Variants in ITSN1 observed in about 807,000 individuals in gnomAD.
ITSN1 encodes the protein intersectin-1.
Under a neutral mutation model 239.8 loss-of-function variants are expected in ITSN1, and 58 were observed. The ratio of observed to expected loss-of-function variants is 0.24; its 90% CI spans 0.20 to 0.30. ITSN1 has a LOEUF of 0.30. ITSN1 is among the 10% of genes least tolerant of loss of function. The pLI, the probability that ITSN1 is intolerant of heterozygous loss-of-function variation, is 1.00. For missense variants in ITSN1, 1,558 were observed against 2,103.3 expected (o/e 0.74, Z 5.07); for synonymous variants, 780 against 770.8 (o/e 1.01, Z -0.20).
At chr21:33,712,487 T>G (rs950781092) in intron 1 of ITSN1, among the ~76,000 whole-genome samples, 5 of 152,214 alleles carry the variant, frequency 3.3e-5, no homozygotes, top group Non-Finnish European at 5.9e-5. Flanking sequence ...ATCTCAGGTG[T>G]GAGCCTAAGA....
chr21:33,811,863 C>G (rs1280665046), intron 21 of ITSN1, among the ~76,000 whole-genome samples: 1 of 152,048 alleles, frequency 6.6e-6, no homozygotes, highest in Non-Finnish European at 1.5e-5. Context: ...GAGCAATTGT[C>G]TAAAAATATT....
At chr21:33,757,264 A>T (rs1050608703) in intron 8 of ITSN1, among the ~76,000 whole-genome samples, 3 of 152,170 alleles carry the variant, frequency 2.0e-5, no homozygotes, top group African/African-American at 7.2e-5. Flanking sequence ...TCTTGGTGGG[A>T]TGTGTGTTTT....
At chr21:33,879,684 C>A (rs1370649950) in intron 34 of ITSN1, among the ~76,000 whole-genome samples, 2 of 152,042 alleles carry the variant, frequency 1.3e-5, no homozygotes, top group African/African-American at 2.4e-5. Context: ...CAGTTGTCAT[C>A]CTTCTTTTTT....
chr21:33,839,551 G>A (rs2074753668), intron 29 of ITSN1, among the ~76,000 whole-genome samples: 1 of 152,200 alleles, frequency 6.6e-6, no homozygotes, highest in Non-Finnish European at 1.5e-5. Flanking sequence ...GTGTGGAGCA[G>A]TGGTTGAGTC....
At chr21:33,872,713 G>T (rs1191237097) in intron 33 of ITSN1, among the ~76,000 whole-genome samples, 1 of 152,104 alleles carries the variant, frequency 6.6e-6, no homozygotes, top group Non-Finnish European at 1.5e-5. Context: ...TGTGTTTTTA[G>T]TGGAGACGGG....
At chr21:33,673,750 C>G (rs908747110) in intron 1 of ITSN1, among the ~76,000 whole-genome samples, 1 of 152,190 alleles carries the variant, frequency 6.6e-6, no homozygotes, top group Non-Finnish European at 1.5e-5. Flanking sequence ...TCACCTAGCA[C>G]CAGCTCAGGA....
chr21:33,646,525 G>C (rs2146058482), intron 1 of ITSN1, among the ~76,000 whole-genome samples: 1 of 152,018 alleles, frequency 6.6e-6, no homozygotes, highest in Non-Finnish European at 1.5e-5. Flanking sequence ...TTCACCACAG[G>C]GCACCATAGA....
intron 8 of ITSN1, 135 bp from the exon 9 acceptor site, chr21:33,761,788 G>A: frequency 1.6e-6 from 1 of 643,542 alleles, no homozygotes; most frequent in South Asian, 2.4e-5. Context: ...AGCCCCTGCG[G>A]TAGTAGCAAA....
intron 5 of ITSN1, among the ~76,000 whole-genome samples, chr21:33,737,474 A>G (rs1456280418): frequency 1.3e-5 from 2 of 152,114 alleles, no homozygotes; most frequent in Non-Finnish European, 2.9e-5. Flanking sequence ...TTCTAGTTCT[A>G]CCTCTCAGCT....
At chr21:33,796,927 T>C (rs2071609068) in intron 17 of ITSN1, among the ~76,000 whole-genome samples, 1 of 152,150 alleles carries the variant, frequency 6.6e-6, no homozygotes, top group South Asian at 2.1e-4. Context: ...AAAAACAAAA[T>C]CAAAGTAGTT....
intron 18 of ITSN1, among the ~76,000 whole-genome samples, chr21:33,799,107 G>T (rs1489881295): frequency 1.3e-5 from 2 of 152,230 alleles, no homozygotes; most frequent in East Asian, 3.9e-4. Flanking sequence ...GAGTAAAAAT[G>T]CCCAAAGGTC....
chr21:33,645,636 A>C (rs1235501611), intron 1 of ITSN1, among the ~76,000 whole-genome samples: 1 of 152,138 alleles, frequency 6.6e-6, no homozygotes, highest in African/African-American at 2.4e-5. Flanking sequence ...GGCGACAGAG[A>C]GAGCGAGCCT....
intron 34 of ITSN1, among the ~76,000 whole-genome samples, chr21:33,878,098 C>A (rs1236031628): frequency 2.6e-5 from 4 of 151,442 alleles, no homozygotes; most frequent in Non-Finnish European, 5.9e-5. Flanking sequence ...TGCAGTGGCA[C>A]AAACTCAGCT....
chr21:33,664,173 A>G (rs2089767616), intron 1 of ITSN1, among the ~76,000 whole-genome samples: 1 of 152,180 alleles, frequency 6.6e-6, no homozygotes, highest in Admixed American at 6.5e-5. Context: ...TTGGCTCACA[A>G]TTCTGATGGC....
intron 1 of ITSN1, among the ~76,000 whole-genome samples, chr21:33,667,063 C>G (rs1006549274): frequency 6.6e-6 from 1 of 151,988 alleles, no homozygotes; most frequent in Non-Finnish European, 1.5e-5. Flanking sequence ...AGTGATCCAC[C>G]CCCATCTCGG....
At chr21:33,690,928 G>A (rs2091517540) in intron 1 of ITSN1, among the ~76,000 whole-genome samples, 1 of 146,666 alleles carries the variant, frequency 6.8e-6, no homozygotes, top group African/African-American at 2.5e-5. Flanking sequence ...GGCAAGTCCT[G>A]TTTCCACTCT....
At chr21:33,876,174 TTTCCTTCC>T (rs1569333290) in intron 34 of ITSN1, among the ~76,000 whole-genome samples, 1 of 144,694 alleles carries the variant, frequency 6.9e-6, no homozygotes, top group Non-Finnish European at 1.5e-5. Context: ...TCTTTCTTTC[TTTCCTTCC>T]TTCCTTCTCT....
chr21:33,864,003 A>G (rs1048492404), intron 31 of ITSN1, among the ~76,000 whole-genome samples: 3 of 152,230 alleles, frequency 2.0e-5, no homozygotes, highest in Non-Finnish European at 4.4e-5. Context: ...TATGGTCCCT[A>G]AGTTTTTCTC....
intron 1 of ITSN1, among the ~76,000 whole-genome samples, chr21:33,685,631 A>AG (rs2091201894): frequency 6.6e-6 from 1 of 151,966 alleles, no homozygotes; most frequent in East Asian, 1.9e-4. Flanking sequence ...AAAAAAAAAA[A>AG]AAAAAAATTC....
Sources: gnomAD v4.1 joint callset for allele counts (sites outside exome capture counted in the v4.1 genomes callset) on GRCh38, gnomAD v4.1.1 for gene constraint, MANE v1.5 for transcripts, NCBI Gene and HGNC (gene_info 2026-07-23, HGNC 2026-07-21) for gene names.